NAV1: variants seen among roughly 807,000 people sequenced by gnomAD.
NAV1 encodes neuron navigator 1.
Under a neutral mutation model 175.2 loss-of-function variants are expected in NAV1, and 18 were observed. That is an observed-to-expected ratio of 0.10 (90% CI 0.07 to 0.15). The LOEUF (loss-of-function observed/expected upper bound fraction) is 0.15. Among genes scored for constraint, NAV1 ranks in the 10% least tolerant of loss-of-function variants. The probability of loss-of-function intolerance (pLI) is 1.00; values close to 1 mark genes in which losing one functional copy is unlikely to be tolerated. For synonymous variants in NAV1, 897 were observed against 978.7 expected, an observed-to-expected ratio of 0.92 and a Z score of 1.56; for missense variants, 1,731 against 2,436.6, an observed-to-expected ratio of 0.71 and a Z score of 6.10.
At position 201,718,509 on chromosome 1, in the gene NAV1, C is replaced by T; in HGVS notation, c.980C>T (p.Ala327Val). 1 of 1,609,500 alleles carries T rather than the reference C, an allele frequency of 6.2e-7. No homozygotes were observed. The highest frequency in any genetic ancestry group is 8.5e-7 in the Non-Finnish European group (1 of 1,177,016). The change falls in exon 3 of 30, where the codon GCT becomes GTT. Residue 327 changes from alanine to valine, a missense_variant. This residue lies in a region of NAV1 where 487 missense variants were observed against 581.3 expected (regional missense o/e 0.84). Coordinates refer to ENST00000367296, the Ensembl canonical transcript of NAV1. The surrounding 1 kb of genome is among the most constrained non-coding windows in gnomAD (Gnocchi z 4.8). ...GGCCAGTCCAGTCCGCGGCTGCAGG[C>T]TGGTGACGCGCCCTCTGTGGGTGGG...
chr1:201,566,082 C>T (rs1375311636), intron 1 of NAV1, among the ~76,000 whole-genome samples: 1 of 152,204 alleles, frequency 6.6e-6, no homozygotes, highest in Non-Finnish European at 1.5e-5. Context: ...CAGACTCCTT[C>T]CTGTGGGCTC....
intron 2 of NAV1, among the ~76,000 whole-genome samples, chr1:201,631,296 C>A (rs2077133): frequency 1.3e-5 from 2 of 152,154 alleles, no homozygotes; most frequent in South Asian, 2.1e-4. Context: ...TGTGGAAGAG[C>A]CTGCGCTCTT....
At chr1:201,768,325 G>A (rs1400549650) in intron 3 of NAV1, among the ~76,000 whole-genome samples, 3 of 102,828 alleles carry the variant, frequency 2.9e-5, no homozygotes, top group South Asian at 2.6e-4. Flanking sequence ...GTGAAACTCC[G>A]TCTCAGAGAA....
intron 3 of NAV1, among the ~76,000 whole-genome samples, chr1:201,733,960 G>C (rs551469204): frequency 3.9e-5 from 6 of 152,180 alleles, no homozygotes; most frequent in African/African-American, 1.4e-4. Context: ...TTTGCAAAGG[G>C]TCTGTCTGGC....
chr1:201,660,127 C>A (rs1032179867), intron 1 of NAV1, among the ~76,000 whole-genome samples: 1 of 152,152 alleles, frequency 6.6e-6, no homozygotes, highest in Admixed American at 6.5e-5. Context: ...GCCTCCCTGT[C>A]ATCCTGCCCA....
rs1266990869 is a variant in NAV1 at position 201,710,180 on chromosome 1, C to CA, written c.758-2636dup. Among the ~76,000 whole-genome samples the CA allele has an allele frequency of 8.8e-5, 13 of 147,396 alleles. No homozygotes were observed. The East Asian group carries it at 1.2e-3, about 13-fold the overall frequency. On this transcript the variant is annotated intron_variant, in intron 1 of 29. Transcript: ENST00000367296. ...TTTCCTTAAAAAAAAAAAAAAAAGA[C>CA]ATTTTCCTAACGTGACATGTATGTA...
At chr1:201,695,890 A>G (rs1224394563) in intron 1 of NAV1, among the ~76,000 whole-genome samples, 1 of 152,242 alleles carries the variant, frequency 6.6e-6, no homozygotes, top group Non-Finnish European at 1.5e-5. Flanking sequence ...AAGGCCCAGC[A>G]CATCTCCTCC....
intron 3 of NAV1, among the ~76,000 whole-genome samples, chr1:201,757,011 G>C (rs1189596987): frequency 6.6e-6 from 1 of 152,082 alleles, no homozygotes; most frequent in African/African-American, 2.4e-5. Context: ...GTATGTTAAA[G>C]TAGGCTGTCC....
At chr1:201,717,252 G>T (rs1672177332) in intron 2 of NAV1, among the ~76,000 whole-genome samples, 1 of 152,214 alleles carries the variant, frequency 6.6e-6, no homozygotes, top group Non-Finnish European at 1.5e-5. Flanking sequence ...AGCAGTGATT[G>T]CTTGGGCTCA....
intron 17 of NAV1, among the ~76,000 whole-genome samples, chr1:201,805,337 C>T (rs572263500): frequency 1.3e-4 from 20 of 152,224 alleles, no homozygotes; most frequent in African/African-American, 3.6e-4. Context: ...TCACAGATGA[C>T]GAGACAGTGA....
chr1:201,672,270 A>G (rs983958919), intron 1 of NAV1, among the ~76,000 whole-genome samples: 1 of 152,158 alleles, frequency 6.6e-6, no homozygotes, highest in African/African-American at 2.4e-5. Context: ...TGTATGTGTG[A>G]TTTCTTGATT....
intron 2 of NAV1, among the ~76,000 whole-genome samples, chr1:201,607,692 A>T (rs1667723690): frequency 1.3e-5 from 2 of 151,308 alleles, no homozygotes; most frequent in South Asian, 4.2e-4. Flanking sequence ...GGGTTTCACC[A>T]TGTTGGCCAG....
intron 3 of NAV1, among the ~76,000 whole-genome samples, chr1:201,732,959 T>A (rs763356282): frequency 1.3e-5 from 2 of 151,532 alleles, no homozygotes; most frequent in Non-Finnish European, 2.9e-5. Flanking sequence ...TAATCCCAGC[T>A]CCTCAGGAGG....
At chr1:201,724,164 T>C (rs1161981290) in intron 3 of NAV1, 1 of 152,226 alleles carries the variant, frequency 6.6e-6, no homozygotes, top group Non-Finnish European at 1.5e-5. Flanking sequence ...AACTTTGAGT[T>C]GGCTGCTGAC....
intron 1 of NAV1, among the ~76,000 whole-genome samples, chr1:201,702,710 C>T (rs1050271044): frequency 1.9e-4 from 29 of 151,686 alleles, no homozygotes; most frequent in Non-Finnish European, 2.7e-4. Context: ...CTCTCTCTCT[C>T]TCTCTCTCTC....
chr1:201,585,525 A>T (rs1177631600), intron 1 of NAV1, among the ~76,000 whole-genome samples: 1 of 152,206 alleles, frequency 6.6e-6, no homozygotes, highest in African/African-American at 2.4e-5. Flanking sequence ...AAGTGAAAAG[A>T]CAACCCACAG....
At chr1:201,749,278 C>T (rs1458055710) in intron 3 of NAV1, among the ~76,000 whole-genome samples, 1 of 152,276 alleles carries the variant, frequency 6.6e-6, no homozygotes, top group Non-Finnish European at 1.5e-5. Context: ...CTCACTTCCT[C>T]ATCCCCACTT....
intron 1 of NAV1, among the ~76,000 whole-genome samples, chr1:201,653,560 A>G (rs1372822174): frequency 1.3e-5 from 2 of 152,246 alleles, no homozygotes; most frequent in African/African-American, 4.8e-5. Context: ...TACTTTGAGT[A>G]GCAGGAGAAA....
intron 3 of NAV1, among the ~76,000 whole-genome samples, chr1:201,773,731 G>A (rs1004246502): frequency 5.3e-5 from 8 of 152,132 alleles, no homozygotes; most frequent in Non-Finnish European, 8.8e-5. Context: ...AATTTTGGAG[G>A]GTAGACTAGA....
Sources: allele counts gnomAD v4.1 joint callset (sites outside exome capture counted in the v4.1 genomes callset), GRCh38; gene constraint gnomAD v4.1.1; regional missense constraint gnomAD v4.1.1; non-coding constraint Gnocchi (gnomAD v3.1); transcripts MANE v1.5; gene names NCBI Gene and HGNC (gene_info 2026-07-23, HGNC 2026-07-21).